ST6GALNAC3: variants seen among roughly 807,000 people sequenced by gnomAD.
ST6GALNAC3 encodes the protein alpha-N-acetylgalactosaminide alpha-2,6-sialyltransferase 3.
Under a neutral mutation model 32.7 loss-of-function variants are expected in ST6GALNAC3, and 25 were observed. That is an observed-to-expected ratio of 0.76 (90% CI 0.56 to 1.07). ST6GALNAC3 has a LOEUF of 1.07. Ranked by LOEUF, ST6GALNAC3 falls within the 50% of genes least tolerant of loss-of-function variation. ST6GALNAC3 has a pLI of 0.00. For missense variants in ST6GALNAC3, 355 were observed against 382.4 expected (o/e 0.93, Z 0.60); for synonymous variants, 129 against 133.1 (o/e 0.97, Z 0.21).
chr1:76,198,240 T>G (rs982893311), intron 1 of ST6GALNAC3, among the ~76,000 whole-genome samples: 1 of 152,140 alleles, frequency 6.6e-6, no homozygotes, highest in Non-Finnish European at 1.5e-5. Context: ...CTTGCTATGC[T>G]TCCCAGGCTG....
chr1:76,146,888 G>A (rs981949756), intron 1 of ST6GALNAC3, among the ~76,000 whole-genome samples: 36 of 152,126 alleles, frequency 2.4e-4, no homozygotes, highest in African/African-American at 8.4e-4. Context: ...AGGAAGACCA[G>A]TGTTTGATGA....
chr1:76,445,905 T>A (rs1215562761), intron 3 of ST6GALNAC3, among the ~76,000 whole-genome samples: 1 of 152,226 alleles, frequency 6.6e-6, no homozygotes, highest in Non-Finnish European at 1.5e-5. Context: ...TGGTTCTAAA[T>A]GATATACATA....
chr1:76,478,704 T>C (rs986242048), intron 3 of ST6GALNAC3, among the ~76,000 whole-genome samples: 41 of 152,160 alleles, frequency 2.7e-4, no homozygotes, highest in African/African-American at 9.9e-4. Flanking sequence ...TTTTCTTTAA[T>C]TGACCTTCTC....
At chr1:76,123,954 C>T (rs569758658) in intron 1 of ST6GALNAC3, among the ~76,000 whole-genome samples, 1 of 152,016 alleles carries the variant, frequency 6.6e-6, no homozygotes, top group Non-Finnish European at 1.5e-5. Context: ...TTTCACCATG[C>T]TGGCCAGGCT....
At chr1:76,188,899 C>T (rs1332222846) in intron 1 of ST6GALNAC3, among the ~76,000 whole-genome samples, 1 of 152,190 alleles carries the variant, frequency 6.6e-6, no homozygotes, top group Non-Finnish European at 1.5e-5. Flanking sequence ...GGCCTGCACA[C>T]TTCAATCCCA....
chr1:76,616,935 A>G (rs186192431), intron 3 of ST6GALNAC3, among the ~76,000 whole-genome samples: 59 of 152,190 alleles, frequency 3.9e-4, no homozygotes, highest in African/African-American at 1.3e-3. Context: ...GCTGCTTTAT[A>G]TTTTTTTAAA....
At chr1:76,535,877 T>C (rs1333066468) in intron 3 of ST6GALNAC3, among the ~76,000 whole-genome samples, 1 of 152,126 alleles carries the variant, frequency 6.6e-6, no homozygotes, top group Non-Finnish European at 1.5e-5. Flanking sequence ...CATTAAATGG[T>C]ATTGGTAATG....
chr1:76,201,376 A>G (rs1654507193), intron 1 of ST6GALNAC3, among the ~76,000 whole-genome samples: 1 of 152,230 alleles, frequency 6.6e-6, no homozygotes, highest in Admixed American at 6.5e-5. Flanking sequence ...CTTACTCACT[A>G]TCAATGAGAA....
intron 1 of ST6GALNAC3, among the ~76,000 whole-genome samples, chr1:76,077,196 T>C (rs1646828765): frequency 6.6e-6 from 1 of 152,160 alleles, no homozygotes; most frequent in African/African-American, 2.4e-5. Flanking sequence ...TTTCCCTTGT[T>C]GAAGTGTTCA....
rs561191401 is a variant in ST6GALNAC3 at position 76,344,692 on chromosome 1, A to G, written c.213+30693A>G. Among the ~76,000 whole-genome samples, 146 of 152,346 alleles carry G rather than the reference A, an allele frequency of 9.6e-4. 1 individual carries two copies. In the Middle Eastern group the frequency reaches 0.02, roughly 21 times the overall value. On this transcript the variant is annotated intron_variant, in intron 2 of 4. Coordinates refer to ENST00000328299, the MANE Select transcript of ST6GALNAC3 (RefSeq NM_152996.4). ...TGAAAACTGCCAGGTCTGGAAGAAT[A>G]TGCTATACTTTCCAAGGTTGTTAGA... is the stretch of plus-strand genomic sequence containing the variant.
intron 1 of ST6GALNAC3, among the ~76,000 whole-genome samples, chr1:76,158,220 T>G (rs540962864): frequency 1.2e-3 from 186 of 152,334 alleles, no homozygotes; most frequent in South Asian, 1.9e-3. Context: ...CTTACCCATG[T>G]GATTTGAACA....
At chr1:76,127,160 G>T (rs1325360721) in intron 1 of ST6GALNAC3, among the ~76,000 whole-genome samples, 2 of 152,202 alleles carry the variant, frequency 1.3e-5, no homozygotes, top group African/African-American at 4.8e-5. Context: ...CAAAACATGG[G>T]TGGTTGTATA....
At chr1:76,222,514 T>C (rs1243946004) in intron 1 of ST6GALNAC3, among the ~76,000 whole-genome samples, 1 of 152,158 alleles carries the variant, frequency 6.6e-6, no homozygotes, top group African/African-American at 2.4e-5. Context: ...GACAAAGATC[T>C]AATATTCAGT....
chr1:76,310,020 G>T lies in ST6GALNAC3; in HGVS notation c.19-3785G>T, dbSNP rs762042269. The T allele has an allele frequency of 2.4e-5, 12 of 491,572 alleles. No individual in the cohort carries two copies. The East Asian group carries it at 5.8e-4, about 24-fold the overall frequency. 30.5% of individuals were successfully genotyped at this position (491,572 alleles called of 1,614,324 possible). On this transcript the variant is annotated intron_variant, in intron 1 of 4. Transcript: ENST00000328299. ...TGCACACAACAGTGGATTCAGAAAG[G>T]CTATCCACATCTTTGTCCCCAAACC...
At chr1:76,170,563 C>G (rs970945926) in intron 1 of ST6GALNAC3, among the ~76,000 whole-genome samples, 1 of 152,124 alleles carries the variant, frequency 6.6e-6, no homozygotes, top group Non-Finnish European at 1.5e-5. Flanking sequence ...ACTTTACTGG[C>G]CAGGGATTAT....
intron 1 of ST6GALNAC3, among the ~76,000 whole-genome samples, chr1:76,157,182 T>C (rs1445682857): frequency 6.6e-6 from 1 of 152,204 alleles, no homozygotes; most frequent in East Asian, 1.9e-4. Flanking sequence ...TATCTACTGA[T>C]CTACAAATAT....
intron 2 of ST6GALNAC3, among the ~76,000 whole-genome samples, chr1:76,355,292 C>A (rs892060659): frequency 3.9e-5 from 6 of 152,110 alleles, no homozygotes; most frequent in Non-Finnish European, 4.4e-5. Context: ...AATCTATGTT[C>A]ATTGTAAAGA....
At position 76,475,413 on chromosome 1, in the gene ST6GALNAC3, A is replaced by G. The variant is rs116333446; in HGVS notation, c.623+62996A>G. ...TTTTGAAGAGTAAAGCAGAATATGT[A>G]TGAAAAGCACTTAGTCTGGTAAGGG... On this transcript the variant is annotated intron_variant, in intron 3 of 4. Coordinates refer to ENST00000328299, the MANE Select transcript of ST6GALNAC3 (RefSeq NM_152996.4). 5.1e-3 allele frequency among the ~76,000 whole-genome samples: 777 copies of G among 152,300 alleles called. 7 individuals are homozygous for G. Among genetic ancestry groups the G allele is most frequent in the African/African-American group, 0.017 (718 of 41,572 alleles).
At chr1:76,525,791 G>GTGTTTATA (rs1438917629) in intron 3 of ST6GALNAC3, among the ~76,000 whole-genome samples, 1 of 75,530 alleles carries the variant, frequency 1.3e-5, no homozygotes. Context: ...GTGTGTGTGT[G>GTGTTTATA]TATATATATA....
Sources: gnomAD v4.1 joint callset for allele counts (sites outside exome capture counted in the v4.1 genomes callset) on GRCh38, gnomAD v4.1.1 for gene constraint, MANE v1.5 for transcripts, NCBI Gene and HGNC (gene_info 2026-07-23, HGNC 2026-07-21) for gene names.